Variants in ATM observed in about 807,000 individuals in gnomAD.
ATM encodes the protein ATM serine/threonine kinase.
Under a neutral mutation model 387.0 loss-of-function variants are expected in ATM, and 308 were observed. That is an observed-to-expected ratio of 0.80 (90% CI 0.73 to 0.87). The LOEUF (loss-of-function observed/expected upper bound fraction) is 0.87. ATM is among the 40% of genes least tolerant of loss of function. ATM has a pLI of 0.00. For missense variants in ATM, 3,312 were observed against 3,560.9 expected (o/e 0.93, Z 1.78); for synonymous variants, 1,156 against 1,187.3 (o/e 0.97, Z 0.54).
intron 33 of ATM, among the ~76,000 whole-genome samples, chr11:108,298,025 C>T (rs1333232713): frequency 6.6e-6 from 1 of 152,092 alleles, no homozygotes; most frequent in Non-Finnish European, 1.5e-5. Context: ...TGTTATGTAG[C>T]AGACATAAGA....
intron 4 of ATM, among the ~76,000 whole-genome samples, chr11:108,233,157 C>T (rs1031656911): frequency 4.6e-5 from 7 of 152,164 alleles, no homozygotes; most frequent in South Asian, 2.1e-4. Flanking sequence ...CCACTGTGCC[C>T]ACCCTGTTCA....
At chr11:108,278,228 C>G (rs2082048893) in intron 22 of ATM, among the ~76,000 whole-genome samples, 1 of 152,154 alleles carries the variant, frequency 6.6e-6, no homozygotes. Flanking sequence ...TTGTGTCTAA[C>G]TCCTCAGGTT....
rs587782276 is a variant in ATM at position 108,287,598 on chromosome 11, A to T, written c.3994-2A>T. 6.3e-7 allele frequency: 1 copy of T among 1,590,392 alleles called. No individual in the cohort carries two copies. The highest frequency in any genetic ancestry group is 1.3e-5 in the African/African-American group (1 of 74,540). On this transcript the variant is annotated splice_acceptor_variant, in intron 26 of 62. Transcript: ENST00000675843. LOFTEE classifies it high-confidence loss of function. ...ATATATTTTAATTTTGTGCCCTTGC[A>T]GATTGATCACTTATTCATTAGTAAT...
intron 16 of ATM, among the ~76,000 whole-genome samples, chr11:108,261,646 G>C (rs532792768): frequency 6.6e-6 from 1 of 152,150 alleles, no homozygotes. Context: ...TGACTTTGAC[G>C]AGCTGAGAGA....
chr11:108,366,755 C>A lies in ATM; in HGVS notation c.*1247C>A. On this transcript the variant is annotated 3_prime_UTR_variant, in exon 63 of 63. Transcript: ENST00000675843. ...CTCCTCATCTCCTTGTGCTAGTGGG[C>A]AGAATATTTGATTGATGCCTTTTTC... 4.3e-6 allele frequency: 1 copy of A among 230,660 alleles called. No individual in the cohort carries two copies. Among genetic ancestry groups the A allele is most frequent in the East Asian group, 6.2e-5 (1 of 16,238 alleles). The allele number at this position is 230,660 out of a possible 1,614,324, so 14.3% of individuals were successfully genotyped here. A position where few individuals can be genotyped will look rare whatever the true frequency, so the allele number is the denominator to read the frequency against.
chr11:108,241,400 G>A (rs182975195), intron 5 of ATM, among the ~76,000 whole-genome samples: 110 of 152,252 alleles, frequency 7.2e-4, no homozygotes, highest in African/African-American at 2.5e-3. Flanking sequence ...TCATTATCAA[G>A]GTTTATGTAC....
At chr11:108,306,375 C>T (rs887718895) in intron 37 of ATM, among the ~76,000 whole-genome samples, 2 of 151,990 alleles carry the variant, frequency 1.3e-5, no homozygotes, top group African/African-American at 2.4e-5. Context: ...AAATGTATCT[C>T]TTATCTTTAA....
rs1555096828 is a variant in ATM at position 108,289,002 on chromosome 11, C to T, written c.4135C>T (p.Pro1379Ser). ...SGDLDPAPNP[P>S]HFPSHVIKAT... ...GGATTTGGATCCTGCTCCTAATCCACCTCATTTTCCATCGCATGTGATTAA... is the reference window on the plus strand; with the variant it reads ...GGATTTGGATCCTGCTCCTAATCCATCTCATTTTCCATCGCATGTGATTAA... The change falls in exon 28 of 63, where the codon CCT becomes TCT. Residue 1379 changes from proline to serine, a missense_variant. This residue lies in a region of ATM where 1,791 missense variants were observed against 1,804.5 expected (regional missense o/e 0.99). Transcript: ENST00000675843. 1.2e-6 allele frequency: 2 copies of T among 1,613,430 alleles called. No individual in the cohort carries two copies. The highest frequency in any genetic ancestry group is 1.7e-6 in the Non-Finnish European group (2 of 1,179,686).
chr11:108,235,859 T>C (rs1239416209), intron 5 of ATM, 25 bp downstream of exon 5: 1 of 1,613,230 alleles, frequency 6.2e-7, no homozygotes, highest in Non-Finnish European at 8.5e-7. Context: ...TTGTTGTTTG[T>C]GAATTTTTCC....
chr11:108,268,456 A>G lies in ATM; in HGVS notation c.2685A>G (p.Leu895=), dbSNP rs3218687. The change falls in exon 18 of 63, where the codon CTA becomes CTG. Residue 895 remains leucine (L), a synonymous_variant. Transcript: ENST00000675843. ...LAEEYLSKQD[L]LFLDMLKFLC... Reference sequence around the variant, plus strand: ...AAGAATATCTGTCAAAGCAAGATCTACTTTTCTTAGACATGCTCAAGTTCT... The same window carrying G: ...AAGAATATCTGTCAAAGCAAGATCTGCTTTTCTTAGACATGCTCAAGTTCT... 2.4e-3 allele frequency: 3,924 copies of G among 1,614,020 alleles called. 91 individuals are homozygous for G. In the African/African-American group the frequency reaches 0.044, roughly 18 times the overall value.
chr11:108,327,669 TAC>T lies in ATM; in HGVS notation c.7004_7005del (p.Thr2335ArgfsTer37). 6.2e-7 allele frequency: 1 copy of T among 1,613,968 alleles called. No individual in the cohort carries two copies. The highest frequency in any genetic ancestry group is 1.1e-5 in the South Asian group (1 of 91,084). On this transcript the variant is annotated frameshift_variant, in exon 48 of 63. Coordinates refer to ENST00000675843, the MANE Select transcript of ATM (RefSeq NM_000051.4). LOFTEE classifies it high-confidence loss of function. ...GAACAATCCCAGCCTAAAACTTACA[TAC>T]ACAGAATGTCTGAGGGTTTGTGGCA... ...AANNPSLKLT[Y>X]TECLRVCGNW...
intron 36 of ATM, among the ~76,000 whole-genome samples, chr11:108,303,675 G>A (rs947908162): frequency 2.0e-5 from 3 of 152,274 alleles, no homozygotes; most frequent in African/African-American, 4.8e-5. Context: ...TGAAAGCAAT[G>A]TAAGAAGCAG....
At chr11:108,241,397 C>T (rs2079550237) in intron 5 of ATM, among the ~76,000 whole-genome samples, 1 of 152,128 alleles carries the variant, frequency 6.6e-6, no homozygotes. Flanking sequence ...TTATCATTAT[C>T]AAGGTTTATG....
At chr11:108,285,268 C>T (rs1226008936) in intron 26 of ATM, among the ~76,000 whole-genome samples, 1 of 151,502 alleles carries the variant, frequency 6.6e-6, no homozygotes, top group African/African-American at 2.4e-5. Flanking sequence ...CCATAATTTA[C>T]TTTTGAATTA....
At position 108,272,592 on chromosome 11, in the gene ATM, T is replaced by G. The variant is rs3092858; in HGVS notation, c.3138T>G (p.Leu1046=). ...FSVRMALVNC[L]KTLLEADPYS... The stretch of plus-strand genomic sequence containing the variant: ...TAAGAATGGCCCTAGTAAATTGCCT[T>G]AAAACTTTGCTTGAGGTGAGTTTTT... Residue 1046 remains leucine, a synonymous_variant, in exon 21 of 63, where the codon CTT becomes CTG. Coordinates refer to ENST00000675843, the MANE Select transcript of ATM (RefSeq NM_000051.4). The G allele has an allele frequency of 3.7e-6, 6 of 1,613,692 alleles. No individual in the cohort carries two copies. The highest frequency in any genetic ancestry group is 5.1e-6 in the Non-Finnish European group (6 of 1,179,774).
chr11:108,230,179 G>T (rs964820966), intron 4 of ATM: 1 of 152,298 alleles, frequency 6.6e-6, no homozygotes, highest in African/African-American at 2.4e-5. Flanking sequence ...ACTTTGGGAG[G>T]CCAAGGCAGG....
At chr11:108,253,204 G>A (rs550355169) in intron 12 of ATM, among the ~76,000 whole-genome samples, 18 of 152,212 alleles carry the variant, frequency 1.2e-4, no homozygotes, top group African/African-American at 4.3e-4. Context: ...AAATTTATAT[G>A]AAATAAGTTC....
intron 61 of ATM, among the ~76,000 whole-genome samples, chr11:108,356,452 CT>C (rs776364081): frequency 6.6e-6 from 1 of 150,544 alleles, no homozygotes; most frequent in Non-Finnish European, 1.5e-5. Context: ...AGGAGAATCG[CT>C]TGAACCCAGG....
intron 42 of ATM, among the ~76,000 whole-genome samples, 181 bp downstream of exon 42, chr11:108,316,294 A>AG (rs376137652): frequency 6.6e-6 from 1 of 152,214 alleles, no homozygotes; most frequent in Non-Finnish European, 1.5e-5. Flanking sequence ...TGCAAAAAAA[A>AG]GAGAAAAAAT....
Sources: allele counts gnomAD v4.1 joint callset (sites outside exome capture counted in the v4.1 genomes callset), GRCh38; gene constraint gnomAD v4.1.1; regional missense constraint gnomAD v4.1.1; transcripts MANE v1.5; gene names NCBI Gene and HGNC (gene_info 2026-07-23, HGNC 2026-07-21).